EIF2AK1: variants seen among roughly 807,000 people sequenced by gnomAD.
The protein encoded by EIF2AK1 is eukaryotic translation initiation factor 2-alpha kinase 1.
EIF2AK1 carries 54 observed loss-of-function variants against 77.9 expected under a neutral mutation model. That is an observed-to-expected ratio of 0.69 (90% confidence interval 0.56 to 0.87). EIF2AK1 has a LOEUF of 0.87. Ranked by LOEUF, EIF2AK1 falls within the 40% of genes least tolerant of loss-of-function variation. EIF2AK1 has a pLI of 0.00. For missense variants in EIF2AK1, 810 were observed against 768.6 expected (o/e 1.05, Z -0.64); for synonymous variants, 314 against 290.5 (o/e 1.08, Z -0.82).
At position 6,058,363 on chromosome 7, in the gene EIF2AK1, G is replaced by A. The variant is rs1788853328; in HGVS notation, c.118+603C>T. Reference sequence around the variant, plus strand: ...GCCCAGGAGTTGGAGGCTGCAATGAGCTATGATTGTGCCACTGCACTCCAG... The same window carrying A: ...GCCCAGGAGTTGGAGGCTGCAATGAACTATGATTGTGCCACTGCACTCCAG... On this transcript the variant is annotated intron_variant, in intron 1 of 14. Transcript: ENST00000199389. 1.0e-4 allele frequency: 33 copies of A among 329,058 alleles called. 1 individual carries two copies. The highest frequency in any genetic ancestry group is 5.7e-4 in the South Asian group (24 of 42,280). 20.4% of individuals were successfully genotyped at this position (329,058 alleles called of 1,614,324 possible).
chr7:6,033,457 C>G lies in EIF2AK1; in HGVS notation c.1332+3967G>C, dbSNP rs1787974825. ...ATAAATATTTTGCCAAATTAATGCA[C>G]ATTCTGAGGATTAAGAGCTCAATGG... is the stretch of plus-strand genomic sequence containing the variant. On this transcript the variant is annotated intron_variant, in intron 11 of 14. Coordinates refer to ENST00000199389, the MANE Select transcript of EIF2AK1 (RefSeq NM_014413.4). The surrounding 1 kb of genome is among the most constrained non-coding windows in gnomAD (Gnocchi z 4.4). Among the ~76,000 whole-genome samples, 1 of 152,108 alleles carries G rather than the reference C, an allele frequency of 6.6e-6. No individual in the cohort carries two copies. The highest frequency in any genetic ancestry group is 1.5e-5 in the Non-Finnish European group (1 of 68,032).
intron 1 of EIF2AK1, among the ~76,000 whole-genome samples, chr7:6,057,195 C>T (rs1404852921): frequency 3.5e-5 from 5 of 142,882 alleles, no homozygotes; most frequent in African/African-American, 1.3e-4. Flanking sequence ...TGCAGTGGCA[C>T]GATCTCAGCT....
chr7:6,042,659 G>A (rs887272812), intron 8 of EIF2AK1, among the ~76,000 whole-genome samples: 1 of 152,132 alleles, frequency 6.6e-6, no homozygotes, highest in African/African-American at 2.4e-5. Flanking sequence ...GAGGCCAGGA[G>A]ATCGAGACCA....
At chr7:6,049,752 T>G in intron 3 of EIF2AK1, 160 bp downstream of exon 3, 1 of 622,264 alleles carries the variant, frequency 1.6e-6, no homozygotes, top group Admixed American at 3.3e-5. Context: ...CCTCCCAAAG[T>G]GCTGGGATTA....
Position 6,024,145 on chromosome 7 carries a change from G to A in EIF2AK1, c.*528C>T. On this transcript the variant is annotated 3_prime_UTR_variant, in exon 15 of 15. Transcript: ENST00000199389. ...GGTGGAGAGAACAGATAAAAAGGTT[G>A]GAAGTTGCACACTGTACACTGTTAA... 3 of 1,293,586 alleles carry A rather than the reference G, an allele frequency of 2.3e-6. No homozygotes were observed. Among genetic ancestry groups the A allele is most frequent in the Non-Finnish European group, 3.0e-6 (3 of 991,858 alleles). 80.1% of individuals were successfully genotyped at this position (1,293,586 alleles called of 1,614,324 possible). A position where few individuals can be genotyped will look rare whatever the true frequency, so the allele number is the denominator to read the frequency against.
rs771457676 is a variant in EIF2AK1 at position 6,027,322 on chromosome 7, G to A, written c.1531-361C>T. On this transcript the variant is annotated intron_variant, in intron 13 of 14. Coordinates refer to ENST00000199389, the MANE Select transcript of EIF2AK1 (RefSeq NM_014413.4). The surrounding 1 kb of genome is among the most constrained non-coding windows in gnomAD (Gnocchi z 4.5). ...CTGCGGGGGAGCCACAGAAGGTCGC[G>A]GGTTCTCCTCCGGTCTCACCTCTGC... Among the ~76,000 whole-genome samples, 2 of 152,128 alleles carry A rather than the reference G, an allele frequency of 1.3e-5. No homozygotes were observed. The highest frequency in any genetic ancestry group is 2.9e-5 in the Non-Finnish European group (2 of 68,028).
chr7:6,056,598 G>GAAAAAAAAAAAAAAAAAAAAAA (rs1181376161), intron 1 of EIF2AK1, among the ~76,000 whole-genome samples: 3 of 48,828 alleles, frequency 6.1e-5, no homozygotes, highest in Non-Finnish European at 7.9e-5. Context: ...CATCTCAAGG[G>GAAAAAAAAAAAAAAAAAAAAAA]AAAAAAAAAA....
intron 5 of EIF2AK1, chr7:6,046,686 G>A (rs1333906148): frequency 2.0e-5 from 4 of 200,652 alleles, no homozygotes; most frequent in East Asian, 1.3e-4. Flanking sequence ...GGTGGATCAC[G>A]AGGTCAGGAG....
At chr7:6,049,048 C>CA (rs1216919831) in intron 3 of EIF2AK1, among the ~76,000 whole-genome samples, 2 of 152,112 alleles carry the variant, frequency 1.3e-5, no homozygotes, top group African/African-American at 4.8e-5. Context: ...AGACTGACGT[C>CA]ACCTTCAAAA....
At chr7:6,047,181 C>T (rs1583493671) in intron 4 of EIF2AK1, 90 bp from the exon 5 acceptor site, 1 of 1,265,256 alleles carries the variant, frequency 7.9e-7, no homozygotes, top group Non-Finnish European at 1.1e-6. Flanking sequence ...ACTAACCTCA[C>T]AAACCTCATG....
In EIF2AK1 at chr7:6,023,951, T is replaced by C; in HGVS notation, c.*722A>G. Reference sequence around the variant, plus strand: ...AACCAATTCATCAGATCGCTGCCTCTGAGGGATGTACAGATTGGCTGGGGA... The same window carrying C: ...AACCAATTCATCAGATCGCTGCCTCCGAGGGATGTACAGATTGGCTGGGGA... On this transcript the variant is annotated 3_prime_UTR_variant, in exon 15 of 15. Coordinates refer to ENST00000199389, the MANE Select transcript of EIF2AK1 (RefSeq NM_014413.4). 7.1e-7 allele frequency: 1 copy of C among 1,414,730 alleles called. No individual in the cohort carries two copies. The highest frequency in any genetic ancestry group is 1.2e-5 in the South Asian group (1 of 82,138). The allele number at this position is 1,414,730 out of a possible 1,614,324, so 87.6% of individuals were successfully genotyped here.
Position 6,059,058 on chromosome 7 carries a change from C to A in EIF2AK1, c.26G>T (p.Arg9Leu). 2 of 1,486,278 alleles carry A rather than the reference C, an allele frequency of 1.3e-6. No homozygotes were observed. The highest frequency in any genetic ancestry group is 1.8e-6 in the Non-Finnish European group (2 of 1,123,956). The allele number at this position is 1,486,278 out of a possible 1,614,324, so 92.1% of individuals were successfully genotyped here. MQGGNSGV[R>L]KREEEGDGAG... is the part of the protein sequence containing the mutation. ...CCCGTCGCCCTCCTCTTCGCGCTTG[C>A]GGACCCCGGAGTTGCCCCCCTGCAT... Residue 9 changes from arginine (R) to leucine (L), a missense_variant, in exon 1 of 15, where the codon CGC (arginine) becomes CTC (leucine). Around this residue, in one of 3 missense-constraint regions of EIF2AK1, gnomAD observed 246 missense variants for 199.0 expected, o/e 1.24. Transcript: ENST00000199389.
intron 1 of EIF2AK1, among the ~76,000 whole-genome samples, chr7:6,055,714 C>G (rs932619416): frequency 5.3e-5 from 8 of 150,892 alleles, no homozygotes; most frequent in Non-Finnish European, 7.4e-5. Flanking sequence ...GGCACAGTGG[C>G]TCATGCCTGT....
chr7:6,025,148 T>C (rs1221142182), intron 14 of EIF2AK1, among the ~76,000 whole-genome samples: 1 of 151,828 alleles, frequency 6.6e-6, no homozygotes, highest in African/African-American at 2.4e-5. Flanking sequence ...CAAGGTTTCA[T>C]TTTATACAAA....
chr7:6,056,613 A>AAAAAATATATATAT, intron 1 of EIF2AK1, among the ~76,000 whole-genome samples: 1 of 43,730 alleles, frequency 2.3e-5, no homozygotes, highest in Non-Finnish European at 4.7e-5. Flanking sequence ...AAAAAAAAAA[A>AAAAAATATATATAT]ATATATATAT....
At chr7:6,044,401 G>T (rs1453703751) in intron 7 of EIF2AK1, among the ~76,000 whole-genome samples, 161 bp downstream of exon 7, 1 of 151,946 alleles carries the variant, frequency 6.6e-6, no homozygotes, top group African/African-American at 2.4e-5. Context: ...AACCCAGGAG[G>T]CGGAGCAGCC....
rs1787777601 is a variant in EIF2AK1 at position 6,027,371 on chromosome 7, C to A, written c.1531-410G>T. Among the ~76,000 whole-genome samples the A allele has an allele frequency of 6.6e-6, 1 of 152,168 alleles. No individual in the cohort carries two copies. The highest frequency in any genetic ancestry group is 2.4e-5 in the African/African-American group (1 of 41,454). ...GCCTCCACTCATTCTTACCAAGTGT[C>A]CTTGGTGACATTTAACAAACTGCAT... On this transcript the variant is annotated intron_variant, in intron 13 of 14. Coordinates refer to ENST00000199389, the MANE Select transcript of EIF2AK1 (RefSeq NM_014413.4). This position sits in a 1 kb window ranked among gnomAD's most constrained non-coding sequence, Gnocchi z 4.5.
rs148495208 is a variant in EIF2AK1 at position 6,054,545 on chromosome 7, C to T, written c.277+1G>A. On this transcript the variant is annotated splice_donor_variant, in intron 2 of 14. Coordinates refer to ENST00000199389, the MANE Select transcript of EIF2AK1 (RefSeq NM_014413.4). LOFTEE classifies it high-confidence loss of function. ...AGCAAGATTCATTTATTCTTACTTA[C>T]GCTTAAACACCTGTCTTGAACGAAG... is the stretch of plus-strand genomic sequence containing the variant. 8 of 1,613,806 alleles carry T rather than the reference C, an allele frequency of 5.0e-6. No homozygotes were observed. Among genetic ancestry groups the T allele is most frequent in the Non-Finnish European group, 6.8e-6 (8 of 1,179,936 alleles).
intron 4 of EIF2AK1, chr7:6,048,002 G>A (rs902741059): frequency 6.6e-6 from 1 of 152,086 alleles, no homozygotes; most frequent in Non-Finnish European, 1.5e-5. Flanking sequence ...GCTGGGACTG[G>A]GTATGCACCA....
Sources: gnomAD v4.1 joint callset for allele counts (sites outside exome capture counted in the v4.1 genomes callset) on GRCh38, gnomAD v4.1.1 for gene constraint, gnomAD v4.1.1 regional missense constraint, Gnocchi (gnomAD v3.1) non-coding constraint, MANE v1.5 for transcripts, NCBI Gene and HGNC (gene_info 2026-07-23, HGNC 2026-07-21) for gene names.